The following N4BP1 variants were observed in gnomAD, a reference collection of about 807,000 sequenced individuals.
N4BP1 encodes the protein NEDD4-binding protein 1.
A neutral mutation model predicts 70.9 loss-of-function variants in N4BP1; 21 were observed. The ratio of observed to expected loss-of-function variants is 0.30; its 90% confidence interval spans 0.21 to 0.43. N4BP1 has a LOEUF of 0.43. N4BP1 is among the 20% of genes least tolerant of loss of function. The pLI, the probability that N4BP1 is intolerant of heterozygous loss-of-function variation, is 1.00. For synonymous variants in N4BP1, 387 were observed against 394.6 expected (o/e 0.98, Z 0.23); for missense variants, 936 against 1,069.4 (o/e 0.88, Z 1.74).
chr16:48,604,881 G>A (rs1026368154), intron 1 of N4BP1, among the ~76,000 whole-genome samples: 5 of 152,230 alleles, frequency 3.3e-5, no homozygotes, highest in Admixed American at 1.3e-4. Context: ...TGACTAATGC[G>A]ATACGCATGG....
In N4BP1 at chr16:48,539,639, A is replaced by G. The variant is rs964530020; in HGVS notation, c.*3265T>C. ...GCAGATTCCCGGGCCTTCCTCCAGA[A>G]CTACTGGGCAAGCATCTGCCGGGTC... On this transcript the variant is annotated 3_prime_UTR_variant, in exon 7 of 7. Transcript: ENST00000262384. 6.6e-6 allele frequency: 1 copy of G among 152,260 alleles called. No individual in the cohort carries two copies. Among genetic ancestry groups the G allele is most frequent in the Non-Finnish European group, 1.5e-5 (1 of 68,080 alleles). The allele number at this position is 152,260 out of a possible 1,614,324, so 9.4% of individuals were successfully genotyped here. A position where few individuals can be genotyped will look rare whatever the true frequency, so the allele number is the denominator to read the frequency against.
At position 48,542,908 on chromosome 16, in the gene N4BP1, T is replaced by C; in HGVS notation, c.2687A>G (p.Asp896Gly). The C allele has an allele frequency of 1.2e-6, 2 of 1,605,494 alleles. No homozygotes were observed. Among genetic ancestry groups the C allele is most frequent in the Non-Finnish European group, 1.7e-6 (2 of 1,173,852 alleles). Residue 896 changes from aspartate to glycine, a missense_variant, in exon 7 of 7, where the codon GAT becomes GGT. Physicochemically the swap from Asp to Gly is moderately conservative, Grantham distance 94. Coordinates refer to ENST00000262384, the MANE Select transcript of N4BP1 (RefSeq NM_153029.4). ...DLNALSAMVLD is the reference protein window; with the variant it reads ...DLNALSAMVLG ...GCTCAGCGCTCAGCACAATCTTCAA[T>C]CCAACACCATGGCAGAAAGCGCATT...
chr16:48,578,630 C>T (rs1597104074), intron 1 of N4BP1, among the ~76,000 whole-genome samples: 1 of 152,304 alleles, frequency 6.6e-6, no homozygotes, highest in Middle Eastern at 3.4e-3. Flanking sequence ...TGTTACAGTA[C>T]CAAAGTTCTG....
At chr16:48,609,109 G>T (rs1473487469) in intron 1 of N4BP1, among the ~76,000 whole-genome samples, 1 of 151,792 alleles carries the variant, frequency 6.6e-6, no homozygotes. Context: ...TAGCTACTCG[G>T]GAGGCTGAGG....
intron 1 of N4BP1, among the ~76,000 whole-genome samples, chr16:48,601,388 T>C (rs1964495940): frequency 2.0e-5 from 3 of 152,220 alleles, no homozygotes; most frequent in African/African-American, 7.2e-5. Flanking sequence ...ATTATGTAGT[T>C]TTCCTTTAAA....
At chr16:48,605,467 C>G (rs950337028) in intron 1 of N4BP1, among the ~76,000 whole-genome samples, 3 of 152,166 alleles carry the variant, frequency 2.0e-5, no homozygotes, top group South Asian at 4.1e-4. Context: ...GAGGCAACAG[C>G]TAGCCAGTAC....
At chr16:48,600,112 G>A (rs1188896835) in intron 1 of N4BP1, 5 of 405,546 alleles carry the variant, frequency 1.2e-5, no homozygotes, top group Non-Finnish European at 1.8e-5. Context: ...TAAATATGCT[G>A]ATTCTTCTCA....
At chr16:48,592,480 C>T (rs1166794011) in intron 1 of N4BP1, among the ~76,000 whole-genome samples, 1 of 152,018 alleles carries the variant, frequency 6.6e-6, no homozygotes, top group Admixed American at 6.6e-5. Flanking sequence ...GCCAGTAATC[C>T]AACTTAAGAA....
At chr16:48,568,598 T>C (rs1410008089) in intron 1 of N4BP1, among the ~76,000 whole-genome samples, 1 of 152,262 alleles carries the variant, frequency 6.6e-6, no homozygotes, top group Non-Finnish European at 1.5e-5. Context: ...ATTTTCATTC[T>C]TGAAGGATAA....
intron 1 of N4BP1, among the ~76,000 whole-genome samples, chr16:48,604,896 C>A (rs1964555684): frequency 6.6e-6 from 1 of 152,212 alleles, no homozygotes; most frequent in Non-Finnish European, 1.5e-5. Flanking sequence ...GCATGGGAAG[C>A]TGCCCTCTCC....
intron 1 of N4BP1, among the ~76,000 whole-genome samples, chr16:48,576,423 C>A (rs747669508): frequency 6.6e-6 from 1 of 152,206 alleles, no homozygotes; most frequent in Non-Finnish European, 1.5e-5. Flanking sequence ...CATGGTCATA[C>A]TGAGTGTACT....
intron 6 of N4BP1, among the ~76,000 whole-genome samples, chr16:48,545,115 C>G (rs1234583344): frequency 5.3e-5 from 8 of 152,020 alleles, no homozygotes; most frequent in African/African-American, 1.7e-4. Context: ...CAGGCACGCA[C>G]CACCACACCC....
intron 1 of N4BP1, among the ~76,000 whole-genome samples, chr16:48,592,185 C>A (rs1027712939): frequency 6.6e-6 from 1 of 152,144 alleles, no homozygotes; most frequent in Non-Finnish European, 1.5e-5. Flanking sequence ...GCCAAGGTCA[C>A]ACCACTGCAA....
chr16:48,566,160 CTTCT>C (rs972719813), intron 1 of N4BP1, among the ~76,000 whole-genome samples: 1 of 151,954 alleles, frequency 6.6e-6, no homozygotes, highest in Admixed American at 6.6e-5. Context: ...TTATTCTGCT[CTTCT>C]TTTTCTAGTT....
At chr16:48,562,491 A>C (rs907294588) in intron 1 of N4BP1, 47 bp from the exon 2 acceptor site, 2 of 1,438,114 alleles carry the variant, frequency 1.4e-6, no homozygotes, top group African/African-American at 2.9e-5. Context: ...AAAGTTCCTT[A>C]TAGCACATAA....
At position 48,561,405 on chromosome 16, in the gene N4BP1, C is replaced by T. The variant is rs756053080; in HGVS notation, c.1238G>A (p.Gly413Asp). 2 of 1,613,848 alleles carry T rather than the reference C, an allele frequency of 1.2e-6. No homozygotes were observed. Among genetic ancestry groups the T allele is most frequent in the Non-Finnish European group, 1.7e-6 (2 of 1,179,848 alleles). Residue 413 changes from glycine to aspartate, a missense_variant, in exon 2 of 7, where the codon GGT becomes GAT. Around this residue, in one of 4 missense-constraint regions of N4BP1, gnomAD observed 515 missense variants for 491.7 expected, o/e 1.05. Coordinates refer to ENST00000262384, the MANE Select transcript of N4BP1 (RefSeq NM_153029.4). Reference protein sequence around the residue: ...YPETNKTKNKGVYSSTNELTT... With the variant: ...YPETNKTKNKDVYSSTNELTT... ...AAGCTCATTTGTGCTGCTATAAACACCTTTATTTTTGGTTTTGTTGGTCTC... is the reference window on the plus strand; with the variant it reads ...AAGCTCATTTGTGCTGCTATAAACATCTTTATTTTTGGTTTTGTTGGTCTC...
At chr16:48,569,269 C>A (rs770143267) in intron 1 of N4BP1, among the ~76,000 whole-genome samples, 1 of 152,202 alleles carries the variant, frequency 6.6e-6, no homozygotes, top group Non-Finnish European at 1.5e-5. Flanking sequence ...TTAAATCTTA[C>A]AAATACTGAA....
chr16:48,573,316 G>A (rs1205513082), intron 1 of N4BP1, among the ~76,000 whole-genome samples: 3 of 152,094 alleles, frequency 2.0e-5, no homozygotes, highest in African/African-American at 7.2e-5. Context: ...TACAGGCTGG[G>A]CACAGTGGCT....
At chr16:48,551,612 T>A in intron 3 of N4BP1, 130 bp from the exon 4 acceptor site, 2 of 571,226 alleles carry the variant, frequency 3.5e-6, no homozygotes, top group Non-Finnish European at 6.0e-6. Flanking sequence ...GACTCAATTT[T>A]ACTAACTCAC....
Sources: allele counts gnomAD v4.1 joint callset (sites outside exome capture counted in the v4.1 genomes callset), GRCh38; gene constraint gnomAD v4.1.1; regional missense constraint gnomAD v4.1.1; transcripts MANE v1.5; gene names NCBI Gene and HGNC (gene_info 2026-07-23, HGNC 2026-07-21).